The following AGPS variants were observed in gnomAD, a reference collection of about 807,000 sequenced individuals.
AGPS encodes alkyldihydroxyacetonephosphate synthase, peroxisomal.
AGPS carries 26 observed loss-of-function variants against 90.7 expected under a neutral mutation model. The ratio of observed to expected loss-of-function variants is 0.29; its 90% CI spans 0.21 to 0.40. The LOEUF (loss-of-function observed/expected upper bound fraction) is 0.40, where lower values mean the gene tolerates loss of function less well. Among genes scored for constraint, AGPS ranks in the 10% least tolerant of loss-of-function variants. AGPS has a pLI of 1.00. For missense variants in AGPS, 540 were observed against 816.1 expected (o/e 0.66, Z 4.12); for synonymous variants, 294 against 285.3 (o/e 1.03, Z -0.31).
intron 10 of AGPS, among the ~76,000 whole-genome samples, chr2:177,471,237 G>A (rs1019640604): frequency 1.3e-5 from 2 of 152,070 alleles, no homozygotes; most frequent in African/African-American, 4.8e-5. Context: ...CCTTAAATGT[G>A]AATCATAAAC....
chr2:177,403,008 G>C (rs147921272), intron 1 of AGPS, among the ~76,000 whole-genome samples: 1 of 152,164 alleles, frequency 6.6e-6, no homozygotes, highest in Non-Finnish European at 1.5e-5. Context: ...AGTGAGCCGA[G>C]ATCATGCCAC....
chr2:177,517,966 G>A (rs1185182149), intron 17 of AGPS, among the ~76,000 whole-genome samples: 1 of 152,070 alleles, frequency 6.6e-6, no homozygotes, highest in African/African-American at 2.4e-5. Context: ...ACACATTTCA[G>A]CAAGATTACC....
chr2:177,499,178 A>G (rs1028327629), intron 13 of AGPS, among the ~76,000 whole-genome samples: 2 of 151,808 alleles, frequency 1.3e-5, no homozygotes, highest in Non-Finnish European at 3.0e-5. Context: ...TGTTTTATGC[A>G]TAAGATCGCC....
At chr2:177,429,528 C>T in intron 2 of AGPS, among the ~76,000 whole-genome samples, 1 of 151,854 alleles carries the variant, frequency 6.6e-6, no homozygotes, top group South Asian at 2.1e-4. Context: ...GTTGTTGTTG[C>T]TTTCTGTTTG....
intron 14 of AGPS, among the ~76,000 whole-genome samples, chr2:177,503,383 T>C (rs1388269574): frequency 1.3e-5 from 2 of 152,196 alleles, no homozygotes; most frequent in African/African-American, 4.8e-5. Context: ...GCTTAAGTTG[T>C]TTAATATAAT....
intron 17 of AGPS, among the ~76,000 whole-genome samples, chr2:177,518,918 TGAAGATATGAGGCCTAGGGAGAAAGGTGA>T (rs1456043200): frequency 1.3e-5 from 2 of 151,664 alleles, no homozygotes; most frequent in Non-Finnish European, 2.9e-5. Context: ...AGGCAAGGTG[TGAAGATATGAGGCCTAGGGAGAAAGGTGA>T]GAAGATATGA....
At chr2:177,416,037 A>T (rs1487910708) in intron 1 of AGPS, among the ~76,000 whole-genome samples, 1 of 152,090 alleles carries the variant, frequency 6.6e-6, no homozygotes, top group Non-Finnish European at 1.5e-5. Context: ...AGCCAAAATC[A>T]TTTTTTCCTT....
chr2:177,445,692 C>T, intron 8 of AGPS, 66 bp downstream of exon 8: 1 of 1,175,044 alleles, frequency 8.5e-7, no homozygotes, highest in Non-Finnish European at 1.2e-6. Context: ...GATGTTATTT[C>T]TTTAATGAAA....
At chr2:177,507,873 A>G (rs1688759128) in intron 15 of AGPS, 97 bp from the exon 16 acceptor site, 1 of 909,242 alleles carries the variant, frequency 1.1e-6, no homozygotes, top group Non-Finnish European at 1.8e-6. Flanking sequence ...TAAATGAGAA[A>G]CATGTGATAC....
At chr2:177,477,848 A>G (rs1487167393) in intron 10 of AGPS, among the ~76,000 whole-genome samples, 1 of 152,194 alleles carries the variant, frequency 6.6e-6, no homozygotes, top group Non-Finnish European at 1.5e-5. Flanking sequence ...ATCCAAAAAT[A>G]CATCATATAT....
At chr2:177,522,025 T>C (rs1018349546) in intron 18 of AGPS, among the ~76,000 whole-genome samples, 1 of 152,192 alleles carries the variant, frequency 6.6e-6, no homozygotes, top group Non-Finnish European at 1.5e-5. Flanking sequence ...AGTAGCACAC[T>C]TTTAGACCCA....
Position 177,436,890 on chromosome 2 carries a change from T to C in AGPS, c.562+6T>C. The C allele has an allele frequency of 6.2e-7, 1 of 1,612,326 alleles. No individual in the cohort carries two copies. Among genetic ancestry groups the C allele is most frequent in the South Asian group, 1.1e-5 (1 of 90,992 alleles). On this transcript the variant is annotated splice_donor_region_variant and intron_variant, in intron 4 of 19. Coordinates refer to ENST00000264167, the MANE Select transcript of AGPS (RefSeq NM_003659.4). ...TCGAGTATTTAGAGCTCATGGTAAG[T>C]TACTTTATATTAGCCCTATTTATTT...
chr2:177,398,503 GC>G (rs1371860401), intron 1 of AGPS, among the ~76,000 whole-genome samples: 3 of 152,120 alleles, frequency 2.0e-5, no homozygotes, highest in Non-Finnish European at 4.4e-5. Context: ...GAAAGAGATG[GC>G]ATTTCAACTC....
At chr2:177,396,331 T>A (rs1221906285) in intron 1 of AGPS, among the ~76,000 whole-genome samples, 1 of 152,202 alleles carries the variant, frequency 6.6e-6, no homozygotes, top group Non-Finnish European at 1.5e-5. Context: ...GTTCATGCAT[T>A]CATTCATGCT....
chr2:177,445,702 A>G, intron 8 of AGPS, 76 bp downstream of exon 8: 1 of 1,067,022 alleles, frequency 9.4e-7, no homozygotes, highest in Admixed American at 2.6e-5. Flanking sequence ...CTTTAATGAA[A>G]GTTTTCAAAA....
chr2:177,470,428 G>A (rs1270182140), intron 10 of AGPS, among the ~76,000 whole-genome samples: 1 of 152,166 alleles, frequency 6.6e-6, no homozygotes, highest in Non-Finnish European at 1.5e-5. Context: ...ATTGGGCTGG[G>A]CGTGGTGGCT....
chr2:177,396,932 TTTTTC>T (rs1450848929), intron 1 of AGPS, among the ~76,000 whole-genome samples: 2 of 90,998 alleles, frequency 2.2e-5, no homozygotes, highest in East Asian at 3.7e-4. Flanking sequence ...CAATTACTTC[TTTTTC>T]TTTTCTTTTT....
chr2:177,407,300 A>G (rs919860731), intron 1 of AGPS, among the ~76,000 whole-genome samples: 1 of 152,228 alleles, frequency 6.6e-6, no homozygotes, highest in Non-Finnish European at 1.5e-5. Flanking sequence ...GTGCTAAAAT[A>G]GTTTCTATAT....
chr2:177,498,332 G>A (rs1688467542), intron 13 of AGPS, among the ~76,000 whole-genome samples: 1 of 151,454 alleles, frequency 6.6e-6, no homozygotes, highest in Non-Finnish European at 1.5e-5. Flanking sequence ...ATTTTTGCCA[G>A]GTGGTGGTGG....
Sources: gnomAD v4.1 joint callset for allele counts (sites outside exome capture counted in the v4.1 genomes callset) on GRCh38, gnomAD v4.1.1 for gene constraint, MANE v1.5 for transcripts, NCBI Gene and HGNC (gene_info 2026-07-23, HGNC 2026-07-21) for gene names.